NINL: variants seen among roughly 807,000 people sequenced by gnomAD.
NINL encodes ninein-like protein.
NINL carries 153 observed loss-of-function variants against 160.3 expected under a neutral mutation model. The ratio of observed to expected loss-of-function variants is 0.95; its 90% CI spans 0.84 to 1.09. The LOEUF (loss-of-function observed/expected upper bound fraction) is 1.09. Ranked by LOEUF, NINL falls within the 50% of genes least tolerant of loss-of-function variation. NINL has a pLI of 0.00. For missense variants in NINL, 1,829 were observed against 1,764.0 expected (o/e 1.04, Z -0.66); for synonymous variants, 800 against 734.8 (o/e 1.09, Z -1.43).
intron 3 of NINL, among the ~76,000 whole-genome samples, chr20:25,516,691 A>C (rs2064165584): frequency 6.6e-6 from 1 of 152,114 alleles, no homozygotes; most frequent in Non-Finnish European, 1.5e-5. Context: ...TGTGAATTGG[A>C]GCAACTTACA....
intron 19 of NINL, among the ~76,000 whole-genome samples, chr20:25,464,332 G>A (rs1226594371): frequency 3.9e-5 from 6 of 152,134 alleles, no homozygotes; most frequent in East Asian, 1.9e-4. Flanking sequence ...CAGGAGAATC[G>A]ATTGAACCCG....
chr20:25,495,447 T>C (rs2063732880), intron 10 of NINL, among the ~76,000 whole-genome samples: 1 of 152,124 alleles, frequency 6.6e-6, no homozygotes, highest in Admixed American at 6.5e-5. Context: ...CAGCGAGTGC[T>C]GTGTCTGTGT....
chr20:25,474,269 C>G (rs1004969168), intron 17 of NINL, among the ~76,000 whole-genome samples: 1 of 152,262 alleles, frequency 6.6e-6, no homozygotes, highest in African/African-American at 2.4e-5. Context: ...CTCGGGGCCT[C>G]TGGATGGCCC....
intron 19 of NINL, among the ~76,000 whole-genome samples, chr20:25,464,826 A>G (rs192272386): frequency 6.6e-6 from 1 of 152,214 alleles, no homozygotes; most frequent in Non-Finnish European, 1.5e-5. Context: ...TGACTTTGAC[A>G]TTTTTTGACA....
intron 1 of NINL, among the ~76,000 whole-genome samples, chr20:25,569,792 A>G (rs2065034198): frequency 6.6e-6 from 1 of 152,168 alleles, no homozygotes; most frequent in Admixed American, 6.5e-5. Context: ...GCCACAACTG[A>G]GCCCCACTAC....
At chr20:25,531,391 T>C (rs2064460274) in intron 1 of NINL, among the ~76,000 whole-genome samples, 1 of 152,140 alleles carries the variant, frequency 6.6e-6, no homozygotes, top group South Asian at 2.1e-4. Context: ...GATTAAGAGA[T>C]TAAAGTAAAG....
chr20:25,509,840 T>G, intron 5 of NINL: 1 of 399,772 alleles, frequency 2.5e-6, no homozygotes, highest in African/African-American at 2.1e-5. Flanking sequence ...CAAGGAAGTA[T>G]TATAGGCAAA....
At chr20:25,505,364 T>C in intron 5 of NINL, among the ~76,000 whole-genome samples, 1 of 150,872 alleles carries the variant, frequency 6.6e-6, no homozygotes, top group South Asian at 2.1e-4. Flanking sequence ...AGTTACAAGA[T>C]GAGTAAGTTC....
Position 25,453,486 on chromosome 20 carries a change from C to T in NINL, c.4114G>A (p.Val1372Ile), listed in dbSNP as rs778679773. 3 of 1,612,860 alleles carry T rather than the reference C, an allele frequency of 1.9e-6. No homozygotes were observed. The highest frequency in any genetic ancestry group is 3.3e-5 in the Admixed American group (2 of 59,722). Reference protein sequence around the residue: ...EEKVRALNKLVSRIAPAALSV With the variant: ...EEKVRALNKLISRIAPAALSV ...AGGGCTGCGGGGGCAATCCTACTGA[C>T]GAGTTTGTTGAGAGCGCGAACTTTT... The change falls in exon 24 of 24, where the codon GTC becomes ATC. Residue 1372 changes from valine to isoleucine, a missense_variant. Transcript: ENST00000278886.
chr20:25,571,004 G>A (rs1287029330), intron 1 of NINL, among the ~76,000 whole-genome samples: 1 of 151,914 alleles, frequency 6.6e-6, no homozygotes, highest in African/African-American at 2.4e-5. Context: ...CAAATCCTGG[G>A]CAAGTAGATG....
At position 25,476,426 on chromosome 20, in the gene NINL, T is replaced by C. The variant is rs2146513275; in HGVS notation, c.2865A>G (p.Pro955=). ...GTERDASQTQ[P]RMWEPPLRPA... ...GCCTCAGGGGTGGCTCCCACATCCGTGGCTGGGTTTGCGAGGCGTCTCTCT... is the reference window on the plus strand; with the variant it reads ...GCCTCAGGGGTGGCTCCCACATCCGCGGCTGGGTTTGCGAGGCGTCTCTCT... The change falls in exon 17 of 24, where the codon CCA becomes CCG. Residue 955 remains proline (P), a synonymous_variant. Transcript: ENST00000278886. The C allele has an allele frequency of 8.1e-6, 13 of 1,609,490 alleles. No homozygotes were observed. Among genetic ancestry groups the C allele is most frequent in the African/African-American group, 1.3e-5 (1 of 75,024 alleles).
In NINL at chr20:25,479,214, G is replaced by A. The variant is rs371842215; in HGVS notation, c.1918-8C>T. ...CCTTTCGTAGTAATTTACCTAAAAC[G>A]AGAAACATGAGCCCCGTGGACCAGG... is the stretch of plus-strand genomic sequence containing the variant. On this transcript the variant is annotated splice_polypyrimidine_tract_variant and splice_region_variant and intron_variant, in intron 15 of 23. Transcript: ENST00000278886. The A allele has an allele frequency of 2.8e-5, 44 of 1,596,020 alleles. No homozygotes were observed. The highest frequency in any genetic ancestry group is 2.3e-4 in the African/African-American group (17 of 74,496).
intron 15 of NINL, among the ~76,000 whole-genome samples, 161 bp downstream of exon 15, chr20:25,479,999 GT>G (rs1483208512): frequency 6.6e-6 from 1 of 152,238 alleles, no homozygotes; most frequent in Non-Finnish European, 1.5e-5. Context: ...CAGCATGTCA[GT>G]TTTATTGCAT....
intron 2 of NINL, among the ~76,000 whole-genome samples, chr20:25,524,720 T>C (rs1419816982): frequency 1.3e-5 from 2 of 152,174 alleles, no homozygotes; most frequent in Admixed American, 1.3e-4. Context: ...TTCTGTCTTG[T>C]ATCATTCCTG....
rs1261202062 is a variant in NINL, at chr20:25,489,275, G to T, written c.1646C>A (p.Ala549Glu). 2 of 1,613,992 alleles carry T rather than the reference G, an allele frequency of 1.2e-6. No homozygotes were observed. Among genetic ancestry groups the T allele is most frequent in the Non-Finnish European group, 1.7e-6 (2 of 1,180,020 alleles). ...CTTGAGCTCGTATTCCTTCAGGACT[G>T]CTGCGAACCGCTCCTCCTGGGCCAG... ...ELLAQEERFA[A>E]VLKEYELKCR... Residue 549 changes from alanine to glutamate, a missense_variant, in exon 13 of 24, where the codon GCA (alanine) becomes GAA (glutamate). Ala to Glu is a moderately radical substitution (Grantham distance 107). Transcript: ENST00000278886.
chr20:25,482,385 C>T (rs1005691535), intron 13 of NINL, among the ~76,000 whole-genome samples: 31 of 152,222 alleles, frequency 2.0e-4, no homozygotes, highest in Admixed American at 1.9e-3. Context: ...CTTGCCCAGG[C>T]TGGAGTGCAC....
chr20:25,506,968 T>C (rs556937144), intron 5 of NINL, among the ~76,000 whole-genome samples: 1 of 152,334 alleles, frequency 6.6e-6, no homozygotes, highest in Non-Finnish European at 1.5e-5. Context: ...TTCCCAAGTG[T>C]CTCAAACATA....
At chr20:25,503,368 G>A (rs1465462886) in intron 7 of NINL, among the ~76,000 whole-genome samples, 1 of 138,886 alleles carries the variant, frequency 7.2e-6, no homozygotes, top group Non-Finnish European at 1.5e-5. Flanking sequence ...ACTGCCTCCT[G>A]TAACCCCAGG....
At chr20:25,488,980 G>A (rs960003457) in intron 13 of NINL, 3 of 484,964 alleles carry the variant, frequency 6.2e-6, no homozygotes, top group Admixed American at 6.5e-5. Context: ...CGCATGGCAG[G>A]TTTGGCCCAG....
Sources: allele counts gnomAD v4.1 joint callset (sites outside exome capture counted in the v4.1 genomes callset), GRCh38; gene constraint gnomAD v4.1.1; transcripts MANE v1.5; gene names NCBI Gene and HGNC (gene_info 2026-07-23, HGNC 2026-07-21).